SNTG1: variants seen among roughly 807,000 people sequenced by gnomAD.
The protein encoded by SNTG1 is gamma-1-syntrophin.
Under a neutral mutation model 74.7 loss-of-function variants are expected in SNTG1, and 39 were observed. The ratio of observed to expected loss-of-function variants is 0.52; its 90% confidence interval spans 0.40 to 0.68. SNTG1 has a LOEUF of 0.68. Among genes scored for constraint, SNTG1 ranks in the 30% least tolerant of loss-of-function variants. SNTG1 has a pLI of 0.00. For missense variants in SNTG1, 685 were observed against 609.5 expected (o/e 1.12, Z -1.30); for synonymous variants, 254 against 217.1 (o/e 1.17, Z -1.49).
At chr8:50,574,800 GT>G (rs2094567659) in intron 12 of SNTG1, among the ~76,000 whole-genome samples, 1 of 152,040 alleles carries the variant, frequency 6.6e-6, no homozygotes, top group African/African-American at 2.4e-5. Flanking sequence ...TTTTTTTGGT[GT>G]ACCAGTCAAT....
intron 2 of SNTG1, among the ~76,000 whole-genome samples, chr8:50,178,413 A>G (rs898087003): frequency 6.0e-5 from 9 of 150,356 alleles, no homozygotes; most frequent in Admixed American, 2.0e-4. Context: ...GCGCGCGCAC[A>G]CACACACACA....
At chr8:50,007,170 G>A (rs1043179457) in intron 1 of SNTG1, among the ~76,000 whole-genome samples, 4 of 152,082 alleles carry the variant, frequency 2.6e-5, no homozygotes, top group Non-Finnish European at 4.4e-5. Flanking sequence ...ACACACATGT[G>A]GTATGAGACT....
At chr8:50,146,242 G>T (rs1460756064) in intron 1 of SNTG1, among the ~76,000 whole-genome samples, 1 of 152,082 alleles carries the variant, frequency 6.6e-6, no homozygotes, top group African/African-American at 2.4e-5. Context: ...GCTTGGCCAG[G>T]TGTGGTGGCT....
intron 2 of SNTG1, among the ~76,000 whole-genome samples, chr8:50,331,818 A>T (rs2090976541): frequency 6.6e-6 from 1 of 152,212 alleles, no homozygotes; most frequent in Admixed American, 6.5e-5. Flanking sequence ...TTACGTCAGA[A>T]CTTATAATGA....
At position 50,326,881 on chromosome 8, in the gene SNTG1, T is replaced by C. The variant is rs545665103; in HGVS notation, c.-27-67331T>C. Among the ~76,000 whole-genome samples the C allele has an allele frequency of 3.9e-5, 6 of 152,222 alleles. No homozygotes were observed. The East Asian group carries it at 1.2e-3, about 29-fold the overall frequency. On this transcript the variant is annotated intron_variant, in intron 2 of 18. Coordinates refer to ENST00000642720, the MANE Select transcript of SNTG1 (RefSeq NM_018967.5). ...TCTACATCCCACACACTTTGAAAAG[T>C]GGCGTTTTTATTTTTATTTACTTTG... is the stretch of plus-strand genomic sequence containing the variant.
At chr8:50,414,587 C>G (rs2092991179) in intron 4 of SNTG1, among the ~76,000 whole-genome samples, 1 of 151,984 alleles carries the variant, frequency 6.6e-6, no homozygotes, top group East Asian at 1.9e-4. Flanking sequence ...TCCTGACAAC[C>G]GAGACATTTT....
At chr8:50,750,537 A>G (rs77439750) in intron 17 of SNTG1, among the ~76,000 whole-genome samples, 2,299 of 152,060 alleles carry the variant, frequency 0.015, 49 homozygotes, top group African/African-American at 0.052. Flanking sequence ...CAATCAATGC[A>G]GCAGACTTCA....
At chr8:49,932,976 A>C (rs1388120616) in intron 1 of SNTG1, among the ~76,000 whole-genome samples, 2 of 89,642 alleles carry the variant, frequency 2.2e-5, no homozygotes, top group Non-Finnish European at 4.4e-5. Flanking sequence ...GATGTATAAT[A>C]TTCCATTGTA....
At chr8:50,726,742 A>C (rs750911639) in intron 17 of SNTG1, among the ~76,000 whole-genome samples, 6 of 152,102 alleles carry the variant, frequency 3.9e-5, no homozygotes, top group Non-Finnish European at 7.4e-5. Flanking sequence ...CCAGCTACTG[A>C]GGAGGCTGAA....
At chr8:50,450,132 G>A (rs2093442380) in intron 6 of SNTG1, among the ~76,000 whole-genome samples, 1 of 152,190 alleles carries the variant, frequency 6.6e-6, no homozygotes, top group African/African-American at 2.4e-5. Flanking sequence ...AAAAATAATG[G>A]AGATATAAAG....
At chr8:49,921,335 A>G (rs1210066848) in intron 1 of SNTG1, among the ~76,000 whole-genome samples, 1 of 152,084 alleles carries the variant, frequency 6.6e-6, no homozygotes, top group Non-Finnish European at 1.5e-5. Context: ...CACAGAAGTG[A>G]AAGGAATGGA....
intron 15 of SNTG1, among the ~76,000 whole-genome samples, chr8:50,672,595 C>T (rs2095289670): frequency 1.3e-5 from 2 of 152,006 alleles, no homozygotes; most frequent in Non-Finnish European, 2.9e-5. Flanking sequence ...AGACCTTTGT[C>T]AGATGGGTAG....
chr8:49,947,792 C>CA (rs1809335759), intron 1 of SNTG1, among the ~76,000 whole-genome samples: 1 of 151,972 alleles, frequency 6.6e-6, no homozygotes, highest in African/African-American at 2.4e-5. Flanking sequence ...AAACATCATC[C>CA]AAAAAATATG....
intron 9 of SNTG1, among the ~76,000 whole-genome samples, chr8:50,512,397 G>C (rs2094088415): frequency 6.6e-6 from 1 of 151,958 alleles, no homozygotes; most frequent in Non-Finnish European, 1.5e-5. Flanking sequence ...ATGTGTCTTG[G>C]AGTTGCTCTT....
At chr8:50,584,304 T>A (rs1349681356) in intron 12 of SNTG1, among the ~76,000 whole-genome samples, 1 of 151,038 alleles carries the variant, frequency 6.6e-6, no homozygotes, top group Non-Finnish European at 1.5e-5. Context: ...CTGGGTCAAA[T>A]GGTATTTCTA....
intron 2 of SNTG1, among the ~76,000 whole-genome samples, chr8:50,218,680 T>C (rs1315069355): frequency 6.6e-6 from 1 of 152,168 alleles, no homozygotes; most frequent in Admixed American, 6.5e-5. Flanking sequence ...GATACTAATA[T>C]AAAGTATTAG....
chr8:50,401,016 G>A (rs967322189), intron 3 of SNTG1, among the ~76,000 whole-genome samples: 4 of 151,916 alleles, frequency 2.6e-5, no homozygotes, highest in African/African-American at 9.7e-5. Flanking sequence ...ATCATGATTT[G>A]ATAATTACAC....
intron 2 of SNTG1, among the ~76,000 whole-genome samples, chr8:50,279,055 T>C (rs2088283829): frequency 6.6e-6 from 1 of 152,154 alleles, no homozygotes; most frequent in South Asian, 2.1e-4. Flanking sequence ...TTTCAAATAT[T>C]TTCTCACATC....
intron 15 of SNTG1, among the ~76,000 whole-genome samples, chr8:50,698,630 C>G (rs1310053699): frequency 6.6e-6 from 1 of 152,126 alleles, no homozygotes; most frequent in Non-Finnish European, 1.5e-5. Flanking sequence ...TCTTTAATGA[C>G]AAAGGCTGCC....
Sources: allele counts gnomAD v4.1 joint callset (sites outside exome capture counted in the v4.1 genomes callset), GRCh38; gene constraint gnomAD v4.1.1; transcripts MANE v1.5; gene names NCBI Gene and HGNC (gene_info 2026-07-23, HGNC 2026-07-21).